Variants in ZNF385A observed in about 807,000 individuals in gnomAD.
ZNF385A encodes hematopoietic zinc finger protein.
ZNF385A carries 14 observed loss-of-function variants against 32.1 expected under a neutral mutation model. That is an observed-to-expected ratio of 0.44 (90% confidence interval 0.29 to 0.68). ZNF385A has a LOEUF of 0.68. Among genes scored for constraint, ZNF385A ranks in the 30% least tolerant of loss-of-function variants. ZNF385A has a pLI of 0.14. For missense variants in ZNF385A, 406 were observed against 478.4 expected (o/e 0.85, Z 1.41); for synonymous variants, 197 against 202.7 (o/e 0.97, Z 0.24).
At chr12:54,385,719 GCCCC>G, upstream of ZNF385A, 1 of 978,584 alleles carries the variant, frequency 1.0e-6, no homozygotes, top group Non-Finnish European at 1.2e-6. Flanking sequence ...CCTGGCCCTG[GCCCC>G]CCAGGGGCCT....
chr12:54,380,299 T>G (rs1955078365), intron 1 of ZNF385A, among the ~76,000 whole-genome samples: 1 of 152,262 alleles, frequency 6.6e-6, no homozygotes, highest in Non-Finnish European at 1.5e-5. Context: ...TCTAATTTAA[T>G]CTTCACAACC....
At chr12:54,387,173 C>T (rs1345253395), upstream of ZNF385A, among the ~76,000 whole-genome samples, 4 of 152,200 alleles carry the variant, frequency 2.6e-5, no homozygotes, top group Admixed American at 1.3e-4. Context: ...GGTTGGAGTC[C>T]TCATTTTTCC....
chr12:54,385,166 T>C (rs1955408501), upstream of ZNF385A: 1 of 152,434 alleles, frequency 6.6e-6, no homozygotes, highest in Non-Finnish European at 1.5e-5. Flanking sequence ...GGAGGTGAAC[T>C]ACCTAGGCCA....
chr12:54,386,209 C>G (rs11170889), upstream of ZNF385A, among the ~76,000 whole-genome samples: 69,170 of 139,700 alleles, frequency 0.5, 19,603 homozygotes, highest in Non-Finnish European at 0.63. Flanking sequence ...CACACACACA[C>G]AGAGAGACGG....
chr12:54,375,632 C>T (rs912561305), intron 2 of ZNF385A, among the ~76,000 whole-genome samples: 4 of 152,180 alleles, frequency 2.6e-5, no homozygotes, highest in African/African-American at 9.7e-5. Flanking sequence ...TACTTCATGT[C>T]AAAATACACA....
chr12:54,371,792 C>G (rs1954568358), intron 3 of ZNF385A, 77 bp from the exon 4 acceptor site: 1 of 1,584,614 alleles, frequency 6.3e-7, no homozygotes, highest in African/African-American at 1.4e-5. Context: ...GAGACCCCCC[C>G]CATTTCCTGG....
chr12:54,384,453 A>G lies in ZNF385A; in HGVS notation c.62T>C (p.Leu21Pro), dbSNP rs1410396998. The G allele has an allele frequency of 1.3e-6, 2 of 1,594,060 alleles. No homozygotes were observed. The highest frequency in any genetic ancestry group is 1.7e-6 in the Non-Finnish European group (2 of 1,170,608). ...LPFPLEPAPT[L>P]GLFSNYSTMD... ...GGTGCTGTAGTTGCTGAAGAGGCCA[A>G]GGGTAGGGGCTGGCTCGAGTGGGAA... The change falls in exon 1 of 7, where the codon CTT (leucine) becomes CCT (proline). Residue 21 changes from leucine to proline, a missense_variant. Physicochemically the swap from Leu to Pro is moderately conservative, Grantham distance 98. Transcript: ENST00000394313.
In ZNF385A at chr12:54,373,988, C is replaced by T; in HGVS notation, c.346G>A (p.Val116Ile). The stretch of plus-strand genomic sequence containing the variant: ...TCAGACACACCTGGACGGGGTGCTA[C>T]ACCATCCCCATTTGTTGGGGTGCTG... The part of the protein sequence containing the change: ...PGSTPTNGDG[V>I]APRPVSMENG... The change falls in exon 3 of 7, where the codon GTA becomes ATA. Residue 116 changes from valine to isoleucine, a missense_variant. Val to Ile is a conservative substitution (Grantham distance 29). Coordinates refer to ENST00000394313, the MANE Select transcript of ZNF385A (RefSeq NM_015481.3). 1.3e-6 allele frequency: 2 copies of T among 1,567,090 alleles called. No homozygotes were observed. Among genetic ancestry groups the T allele is most frequent in the East Asian group, 4.5e-5 (2 of 44,032 alleles).
rs1955635592 is a variant in ZNF385A at position 54,391,286 on chromosome 12, C to T, written c.-42G>A. ...CCCGGGGTTCCGCGTCGCTCTGTCCCGGGGGCCGTTCTGGCCGGGCTGGGG... is the reference window on the plus strand; with the variant it reads ...CCCGGGGTTCCGCGTCGCTCTGTCCTGGGGGCCGTTCTGGCCGGGCTGGGG... On this transcript the variant is annotated 5_prime_UTR_variant, in exon 1 of 8. Coordinates refer to the ZNF385A transcript ENST00000338010. 4.1e-6 allele frequency: 4 copies of T among 973,904 alleles called. No homozygotes were observed. In the East Asian group the frequency reaches 4.3e-4, roughly 104 times the overall value. The allele number at this position is 973,904 out of a possible 1,614,324, so 60.3% of individuals were successfully genotyped here.
chr12:54,385,623 G>A, upstream of ZNF385A: 1 of 985,238 alleles, frequency 1.0e-6, no homozygotes, highest in Non-Finnish European at 1.2e-6. Context: ...TAGAGCAGAA[G>A]GTCTCCAGGA....
chr12:54,382,521 A>C (rs992963926), intron 1 of ZNF385A, among the ~76,000 whole-genome samples: 4 of 152,272 alleles, frequency 2.6e-5, no homozygotes, highest in African/African-American at 9.6e-5. Flanking sequence ...AACTTATATA[A>C]ATTACTAAAC....
chr12:54,373,695 A>T (rs1016396240), intron 3 of ZNF385A, among the ~76,000 whole-genome samples: 14 of 151,982 alleles, frequency 9.2e-5, no homozygotes, highest in African/African-American at 3.4e-4. Flanking sequence ...TTTCTTGGGG[A>T]TGTTTGCCAG....
chr12:54,375,172 C>T (rs1160804654), intron 2 of ZNF385A, among the ~76,000 whole-genome samples: 1 of 152,128 alleles, frequency 6.6e-6, no homozygotes, highest in Admixed American at 6.5e-5. Flanking sequence ...TCCAAAAGCT[C>T]TCAGGGCCTG....
chr12:54,370,807 C>A lies in ZNF385A; in HGVS notation c.775-86G>T. The A allele has an allele frequency of 6.3e-7, 1 of 1,595,146 alleles. No individual in the cohort carries two copies. The highest frequency in any genetic ancestry group is 8.5e-7 in the Non-Finnish European group (1 of 1,171,272). Reference sequence around the variant, plus strand: ...ATAATCAAGCTCCAAGCACCGGCCCCCTCCCATCTGGCCCCCTGGGGAAAA... The same window carrying A: ...ATAATCAAGCTCCAAGCACCGGCCCACTCCCATCTGGCCCCCTGGGGAAAA... On this transcript the variant is annotated intron_variant, in intron 5 of 6. Transcript: ENST00000394313. The surrounding 1 kb of genome is among the most constrained non-coding windows in gnomAD (Gnocchi z 5.5).
chr12:54,374,432 G>T (rs1954732659), intron 2 of ZNF385A, among the ~76,000 whole-genome samples: 1 of 152,106 alleles, frequency 6.6e-6, no homozygotes, highest in Non-Finnish European at 1.5e-5. Context: ...TAGAGACAGG[G>T]GGACCACAAA....
Position 54,370,145 on chromosome 12 carries a change from G to T in ZNF385A, c.*111C>A. On this transcript the variant is annotated 3_prime_UTR_variant, in exon 7 of 7. Transcript: ENST00000394313. The surrounding 1 kb of genome is among the most constrained non-coding windows in gnomAD (Gnocchi z 5.5). ...AACCCCGTATCTCGGGGTGGGGGGGGGGAAGGAGAGATCATTTAGGGAGTG... is the reference window on the plus strand; with the variant it reads ...AACCCCGTATCTCGGGGTGGGGGGGTGGAAGGAGAGATCATTTAGGGAGTG... 3 of 828,232 alleles carry T rather than the reference G, an allele frequency of 3.6e-6. No individual in the cohort carries two copies. The highest frequency in any genetic ancestry group is 3.4e-6 in the Non-Finnish European group (2 of 582,026). 51.3% of individuals were successfully genotyped at this position (828,232 alleles called of 1,614,324 possible).
intron 1 of ZNF385A, among the ~76,000 whole-genome samples, chr12:54,383,531 C>G (rs908464242): frequency 1.3e-5 from 2 of 152,254 alleles, no homozygotes; most frequent in Non-Finnish European, 2.9e-5. Context: ...TGCCTCTGTT[C>G]CCTTTCATCC....
In ZNF385A at chr12:54,370,111, C is replaced by T. The variant is rs1270399205; in HGVS notation, c.*145G>A. On this transcript the variant is annotated 3_prime_UTR_variant, in exon 7 of 7. Coordinates refer to ENST00000394313, the MANE Select transcript of ZNF385A (RefSeq NM_015481.3). This position sits in a 1 kb window ranked among gnomAD's most constrained non-coding sequence, Gnocchi z 5.5. ...GCCCCCCTCCCCCGCTACCCCTCCC[C>T]TTTCCTGGAACCCCGTATCTCGGGG... The T allele has an allele frequency of 4.4e-6, 3 of 680,172 alleles. No individual in the cohort carries two copies. Among genetic ancestry groups the T allele is most frequent in the Non-Finnish European group, 4.5e-6 (2 of 449,216 alleles). The allele number at this position is 680,172 out of a possible 1,614,324, so 42.1% of individuals were successfully genotyped here. A position where few individuals can be genotyped will look rare whatever the true frequency, so the allele number is the denominator to read the frequency against.
intron 3 of ZNF385A, chr12:54,372,925 G>A: frequency 4.7e-6 from 1 of 211,054 alleles, no homozygotes; most frequent in South Asian, 4.7e-5. Flanking sequence ...TGTAATCCCA[G>A]CTACTCAGGA....
Sources: allele counts gnomAD v4.1 joint callset (sites outside exome capture counted in the v4.1 genomes callset), GRCh38; gene constraint gnomAD v4.1.1; non-coding constraint Gnocchi (gnomAD v3.1); transcripts MANE v1.5; gene names NCBI Gene and HGNC (gene_info 2026-07-23, HGNC 2026-07-21).